Variants in FHOD3 observed in about 807,000 individuals in gnomAD.
FHOD3 encodes FH1/FH2 domain-containing protein 3.
FHOD3 carries 90 observed loss-of-function variants against 173.0 expected under a neutral mutation model. The ratio of observed to expected loss-of-function variants is 0.52; its 90% CI spans 0.44 to 0.62. FHOD3 has a LOEUF of 0.62. FHOD3 is among the 20% of genes least tolerant of loss of function. The pLI is 0.00. For synonymous variants in FHOD3, 828 were observed against 823.0 expected, an observed-to-expected ratio of 1.01 and a Z score of -0.10; for missense variants, 1,945 against 2,034.7, an observed-to-expected ratio of 0.96 and a Z score of 0.85.
At chr18:36,744,343 T>A in intron 23 of FHOD3, 150 bp downstream of exon 23, 1 of 798,000 alleles carries the variant, frequency 1.3e-6, no homozygotes, top group Non-Finnish European at 1.9e-6. Context: ...ATGATTTGTT[T>A]TGTGGCATTT....
At chr18:36,611,380 G>T (rs1696222830) in intron 8 of FHOD3, among the ~76,000 whole-genome samples, 1 of 152,182 alleles carries the variant, frequency 6.6e-6, no homozygotes, top group African/African-American at 2.4e-5. Flanking sequence ...GTCTCACAAG[G>T]CTGCAGCCGA....
intron 19 of FHOD3, among the ~76,000 whole-genome samples, chr18:36,719,632 T>A (rs532689995): frequency 1.1e-4 from 17 of 152,370 alleles, no homozygotes; most frequent in Middle Eastern, 3.4e-3. Flanking sequence ...CAAGAGCTTA[T>A]AATCATGAAT....
At chr18:36,518,601 G>A (rs2056114284) in intron 5 of FHOD3, among the ~76,000 whole-genome samples, 1 of 152,172 alleles carries the variant, frequency 6.6e-6, no homozygotes, top group South Asian at 2.1e-4. Flanking sequence ...CAGGTGTTTT[G>A]TGTGCCCTAT....
chr18:36,664,123 G>A lies in FHOD3; in HGVS notation c.1835+5935G>A, dbSNP rs370203861. Among the ~76,000 whole-genome samples the A allele has an allele frequency of 3.5e-4, 53 of 152,248 alleles. 1 individual carries two copies. The East Asian group carries it at 5.6e-3, about 16-fold the overall frequency. ...TCAGTGGAATTGAGAGCCACATTGT[G>A]CAATGGGGTTCTAGTTTTTAAAAAA... On this transcript the variant is annotated intron_variant, in intron 14 of 28. Transcript: ENST00000590592.
chr18:36,447,387 C>T (rs1011210688), intron 3 of FHOD3, among the ~76,000 whole-genome samples: 12 of 152,118 alleles, frequency 7.9e-5, no homozygotes, highest in African/African-American at 1.4e-4. Flanking sequence ...GGGGACATGA[C>T]GTGTGATTGG....
chr18:36,305,263 G>A (rs952873307), intron 1 of FHOD3, among the ~76,000 whole-genome samples: 2 of 152,082 alleles, frequency 1.3e-5, no homozygotes, highest in African/African-American at 4.8e-5. Context: ...TCACCAGTTA[G>A]TTTTGTAATC....
At chr18:36,633,387 C>T (rs2148886114) in intron 10 of FHOD3, among the ~76,000 whole-genome samples, 1 of 152,310 alleles carries the variant, frequency 6.6e-6, no homozygotes, top group African/African-American at 2.4e-5. Flanking sequence ...TTGATGGTCA[C>T]CTGACATTCC....
chr18:36,355,487 G>A (rs1050964303), intron 1 of FHOD3, 52 bp from the exon 2 acceptor site: 14 of 1,423,736 alleles, frequency 9.8e-6, no homozygotes, highest in Middle Eastern at 1.8e-4. Context: ...TTCTCCATAT[G>A]TAGTCTCCAT....
intron 1 of FHOD3, among the ~76,000 whole-genome samples, chr18:36,352,722 A>C (rs1036158663): frequency 1.3e-4 from 20 of 152,186 alleles, no homozygotes; most frequent in African/African-American, 4.8e-4. Flanking sequence ...GTTGAGGAAA[A>C]GGACATTGTG....
chr18:36,330,810 G>A (rs2044959883), intron 1 of FHOD3, among the ~76,000 whole-genome samples: 1 of 152,148 alleles, frequency 6.6e-6, no homozygotes, highest in African/African-American at 2.4e-5. Context: ...CTTGGTGAAT[G>A]CAGCATCAGA....
At chr18:36,771,367 C>T (rs898584566) in intron 28 of FHOD3, among the ~76,000 whole-genome samples, 4 of 152,206 alleles carry the variant, frequency 2.6e-5, no homozygotes, top group Admixed American at 6.5e-5. Flanking sequence ...GCCAAGGCAA[C>T]GCTTCCATTT....
chr18:36,326,151 G>A (rs779481362), intron 1 of FHOD3, among the ~76,000 whole-genome samples: 4 of 152,168 alleles, frequency 2.6e-5, no homozygotes, highest in Non-Finnish European at 4.4e-5. Context: ...TTTCAGTCTG[G>A]CCCCTTCTTG....
intron 4 of FHOD3, among the ~76,000 whole-genome samples, chr18:36,510,645 C>T (rs1430182440): frequency 1.3e-5 from 2 of 152,190 alleles, no homozygotes; most frequent in East Asian, 3.8e-4. Flanking sequence ...GAAAAACTTT[C>T]TGACTAGACA....
chr18:36,438,686 T>C (rs2050951168), intron 3 of FHOD3, among the ~76,000 whole-genome samples: 1 of 152,202 alleles, frequency 6.6e-6, no homozygotes, highest in Admixed American at 6.5e-5. Context: ...CTGTACCTGG[T>C]GTCTGCTGCC....
intron 19 of FHOD3, among the ~76,000 whole-genome samples, chr18:36,722,372 C>G (rs1424524754): frequency 6.6e-6 from 1 of 152,174 alleles, no homozygotes; most frequent in Non-Finnish European, 1.5e-5. Flanking sequence ...AGGGCAGCTT[C>G]TATGCCCCAA....
intron 3 of FHOD3, among the ~76,000 whole-genome samples, chr18:36,463,395 A>G (rs977888958): frequency 6.8e-6 from 1 of 148,068 alleles, no homozygotes; most frequent in Non-Finnish European, 1.5e-5. Context: ...AAAAAATAAT[A>G]TATATTTTTA....
intron 1 of FHOD3, among the ~76,000 whole-genome samples, chr18:36,337,803 G>T (rs111813310): frequency 2.0e-5 from 3 of 152,260 alleles, no homozygotes; most frequent in South Asian, 4.1e-4. Context: ...TGCCAGGTTG[G>T]GGGAGGCATC....
intron 24 of FHOD3, among the ~76,000 whole-genome samples, chr18:36,752,489 C>A (rs1432462016): frequency 6.6e-6 from 1 of 152,164 alleles, no homozygotes; most frequent in Non-Finnish European, 1.5e-5. Context: ...GGGGGCCAGC[C>A]TGCCCATAAC....
At chr18:36,304,846 A>G (rs1228587277) in intron 1 of FHOD3, among the ~76,000 whole-genome samples, 2 of 152,242 alleles carry the variant, frequency 1.3e-5, no homozygotes, top group East Asian at 3.8e-4. Context: ...ATAACAATAT[A>G]TAAAGGCACT....
Sources: gnomAD v4.1 joint callset for allele counts (sites outside exome capture counted in the v4.1 genomes callset) on GRCh38, gnomAD v4.1.1 for gene constraint, MANE v1.5 for transcripts, NCBI Gene and HGNC (gene_info 2026-07-23, HGNC 2026-07-21) for gene names.